The following SV2C variants were observed in gnomAD, a reference collection of about 807,000 sequenced individuals.
SV2C encodes the protein solute carrier family 22 member B3.
Under a neutral mutation model 79.7 loss-of-function variants are expected in SV2C, and 49 were observed. The ratio of observed to expected loss-of-function variants is 0.61; its 90% CI spans 0.49 to 0.78. SV2C has a LOEUF of 0.78. Among genes scored for constraint, SV2C ranks in the 30% least tolerant of loss-of-function variants. The pLI, the probability that SV2C is intolerant of heterozygous loss-of-function variation, is 0.00. For synonymous variants in SV2C, 334 were observed against 333.2 expected, an observed-to-expected ratio of 1.00 and a Z score of -0.03; for missense variants, 833 against 912.9, an observed-to-expected ratio of 0.91 and a Z score of 1.13.
At chr5:76,221,464 T>C (rs1745061749) in intron 4 of SV2C, among the ~76,000 whole-genome samples, 1 of 152,198 alleles carries the variant, frequency 6.6e-6, no homozygotes, top group Non-Finnish European at 1.5e-5. Context: ...CAAGATGCAA[T>C]CCTTAGGGGT....
In SV2C at chr5:76,300,718, T is replaced by C. The variant is rs971839126; in HGVS notation, c.1637-11T>C. 3.1e-6 allele frequency: 5 copies of C among 1,613,536 alleles called. No individual in the cohort carries two copies. The Admixed American group carries it at 6.7e-5, about 22-fold the overall frequency. On this transcript the variant is annotated splice_polypyrimidine_tract_variant and intron_variant, in intron 10 of 12. Coordinates refer to ENST00000502798, the MANE Select transcript of SV2C (RefSeq NM_014979.4). ...GAGCTTGATGAATTGTCTTTGTTGT[T>C]GTTTCTACAGATTTTGAGCCATATA... is the stretch of plus-strand genomic sequence containing the variant.
downstream of SV2C, among the ~76,000 whole-genome samples, chr5:76,334,374 A>G (rs55712299): frequency 0.053 from 8,064 of 152,280 alleles, 726 homozygotes; most frequent in African/African-American, 0.18. Context: ...CATATTTGCT[A>G]TCCCCAAAAG....
At chr5:76,121,606 C>T (rs1237054338) in intron 1 of SV2C, among the ~76,000 whole-genome samples, 2 of 150,046 alleles carry the variant, frequency 1.3e-5, no homozygotes, top group Non-Finnish European at 3.0e-5. Context: ...GTTTTCCCAG[C>T]ACCATTTATT....
intron 2 of SV2C, among the ~76,000 whole-genome samples, chr5:76,172,273 C>A (rs1284206408): frequency 1.0e-5 from 1 of 99,678 alleles, no homozygotes; most frequent in African/African-American, 3.4e-5. Flanking sequence ...CCAGCCGCCC[C>A]GTCCGGGAGG....
At chr5:75,980,939 G>T in the SV2C span, among the ~76,000 whole-genome samples, 154 of 152,288 alleles carry the variant, frequency 1.0e-3, 3 homozygotes, top group African/African-American at 3.6e-3. Context: ...GTTTGCAGAT[G>T]ACATGATCCT....
chr5:75,920,215 A>G, the SV2C span, among the ~76,000 whole-genome samples: 9 of 152,180 alleles, frequency 5.9e-5, no homozygotes, highest in Admixed American at 2.6e-4. Context: ...ATTATCTAGG[A>G]GCTGAGAACA....
chr5:75,888,348 T>C, the SV2C span, among the ~76,000 whole-genome samples: 1 of 147,320 alleles, frequency 6.8e-6, no homozygotes, highest in Non-Finnish European at 1.5e-5. Context: ...AAAAAAATTT[T>C]TTTTTTGAAA....
the SV2C span, among the ~76,000 whole-genome samples, chr5:75,917,390 A>G: frequency 6.6e-6 from 1 of 152,206 alleles, no homozygotes; most frequent in Non-Finnish European, 1.5e-5. Flanking sequence ...AGAGTGAATT[A>G]TGCTTGACAC....
intron 2 of SV2C, among the ~76,000 whole-genome samples, chr5:76,188,486 G>T (rs1312301934): frequency 6.6e-6 from 1 of 152,128 alleles, no homozygotes; most frequent in Non-Finnish European, 1.5e-5. Flanking sequence ...TGTTTTAAGA[G>T]CCCAGGCTCT....
the SV2C span, among the ~76,000 whole-genome samples, chr5:75,933,614 G>C: frequency 6.6e-6 from 1 of 152,196 alleles, no homozygotes; most frequent in Admixed American, 6.5e-5. Flanking sequence ...ATAACCAGTA[G>C]CACCGTAGCC....
chr5:76,131,837 G>A lies in SV2C; in HGVS notation c.87G>A (p.Lys29=), dbSNP rs373229784. Residue 29 remains lysine (K), a synonymous_variant, in exon 2 of 13, where the codon AAG becomes AAA. Transcript: ENST00000502798. ...AREVKKQTVK[K]VNQAVDRAQD... ...AGGTGAAGAAACAAACAGTAAAGAA[G>A]GTGAATCAAGCTGTGGACCGAGCCC... 3 of 1,613,962 alleles carry A rather than the reference G, an allele frequency of 1.9e-6. No homozygotes were observed. In the African/African-American group the frequency reaches 4.0e-5, roughly 22 times the overall value.
At chr5:75,963,249 C>A in the SV2C span, among the ~76,000 whole-genome samples, 1 of 152,088 alleles carries the variant, frequency 6.6e-6, no homozygotes. Flanking sequence ...TAGGCTAGCC[C>A]CACCATTTCT....
At chr5:76,091,800 A>T (rs1747386932) in intron 1 of SV2C, 1 of 152,054 alleles carries the variant, frequency 6.6e-6, no homozygotes, top group Non-Finnish European at 1.5e-5. Flanking sequence ...ATAAAATCCC[A>T]AGAGACTTCT....
At chr5:76,352,363 A>G (rs1749658201) in intron 12 of SV2C, among the ~76,000 whole-genome samples, 1 of 152,250 alleles carries the variant, frequency 6.6e-6, no homozygotes, top group Non-Finnish European at 1.5e-5. Flanking sequence ...TTGGAAACAT[A>G]AGCCCCCAGT....
At chr5:75,985,995 T>A in the SV2C span, among the ~76,000 whole-genome samples, 1 of 151,380 alleles carries the variant, frequency 6.6e-6, no homozygotes, top group Admixed American at 6.6e-5. Context: ...GTATCTGTAT[T>A]CTCACTGTTT....
chr5:75,888,697 A>G, the SV2C span, among the ~76,000 whole-genome samples: 1 of 152,002 alleles, frequency 6.6e-6, no homozygotes, highest in Admixed American at 6.6e-5. Context: ...CTGTTACAGC[A>G]CCTTGTAACA....
the SV2C span, among the ~76,000 whole-genome samples, chr5:75,877,672 G>T: frequency 6.6e-6 from 1 of 151,776 alleles, no homozygotes; most frequent in African/African-American, 2.4e-5. Flanking sequence ...AATATCCAGT[G>T]CATCCAAGAT....
the SV2C span, chr5:75,910,719 C>A: frequency 2.2e-6 from 3 of 1,364,746 alleles, no homozygotes; most frequent in Non-Finnish European, 2.1e-6. Flanking sequence ...AAAGCCCAGA[C>A]TATGTTTGAA....
intron 1 of SV2C, among the ~76,000 whole-genome samples, chr5:76,098,220 C>A (rs1747629174): frequency 6.6e-6 from 1 of 152,062 alleles, no homozygotes; most frequent in African/African-American, 2.4e-5. Context: ...TGTGGGAGTC[C>A]CCTGCCAGAG....
Sources: allele counts gnomAD v4.1 joint callset (sites outside exome capture counted in the v4.1 genomes callset), GRCh38; gene constraint gnomAD v4.1.1; transcripts MANE v1.5; gene names NCBI Gene and HGNC (gene_info 2026-07-23, HGNC 2026-07-21).